Variants in ACTR3 observed in about 807,000 individuals in gnomAD.
ACTR3 encodes the protein actin-related protein 3.
Under a neutral mutation model 56.8 loss-of-function variants are expected in ACTR3, and 12 were observed. The observed-to-expected ratio is 0.21, with a 90% confidence interval of 0.14 to 0.34. The LOEUF is 0.34. ACTR3 is among the 10% of genes least tolerant of loss of function. The pLI, the probability that ACTR3 is intolerant of heterozygous loss-of-function variation, is 1.00. For missense variants in ACTR3, 282 were observed against 512.5 expected, an observed-to-expected ratio of 0.55 and a Z score of 4.34; for synonymous variants, 162 against 167.4, an observed-to-expected ratio of 0.97 and a Z score of 0.25.
intron 3 of ACTR3, among the ~76,000 whole-genome samples, chr2:113,918,984 C>T (rs887868659): frequency 6.6e-6 from 1 of 152,184 alleles, no homozygotes; most frequent in African/African-American, 2.4e-5. Flanking sequence ...GAAAACTTCA[C>T]ATGTCAAAGA....
In ACTR3 at chr2:113,951,803, C is replaced by T. The variant is rs766848731; in HGVS notation, c.1035C>T (p.Ala345=). The T allele has an allele frequency of 6.2e-7, 1 of 1,613,378 alleles. No homozygotes were observed. Among genetic ancestry groups the T allele is most frequent in the South Asian group, 1.1e-5 (1 of 91,030 alleles). ...GAGATTTGAAAAGAACTGTAGATGCCCGGCTGAAATTAAGTGAGGAATTGA... is the reference window on the plus strand; with the variant it reads ...GAGATTTGAAAAGAACTGTAGATGCTCGGCTGAAATTAAGTGAGGAATTGA... ...LQRDLKRTVD[A]RLKLSEELSG... The change falls in exon 10 of 12, where the codon GCC becomes GCT. Residue 345 remains alanine (A), a synonymous_variant. Coordinates refer to ENST00000263238, the MANE Select transcript of ACTR3 (RefSeq NM_005721.5).
In ACTR3 at chr2:113,914,334, C is replaced by T. The variant is rs566494023; in HGVS notation, c.100+1107C>T. 1.8e-4 allele frequency among the ~76,000 whole-genome samples: 28 copies of T among 152,204 alleles called. No individual in the cohort carries two copies. In the East Asian group the frequency reaches 4.1e-3, roughly 22 times the overall value. On this transcript the variant is annotated intron_variant, in intron 2 of 11. Transcript: ENST00000263238. ...CATTAAAGAAATAACACTGTCTGGCCGGGATCGGTGGCTCACGCCTGTAAT... is the reference window on the plus strand; with the variant it reads ...CATTAAAGAAATAACACTGTCTGGCTGGGATCGGTGGCTCACGCCTGTAAT...
chr2:113,909,274 G>A (rs1679259001), intron 1 of ACTR3, among the ~76,000 whole-genome samples: 1 of 152,072 alleles, frequency 6.6e-6, no homozygotes, highest in Admixed American at 6.5e-5. Flanking sequence ...CATATTGACT[G>A]TTTTGTATTA....
At chr2:113,925,387 G>A (rs1446722088) in intron 3 of ACTR3, among the ~76,000 whole-genome samples, 2 of 151,378 alleles carry the variant, frequency 1.3e-5, no homozygotes, top group Non-Finnish European at 2.9e-5. Context: ...GTGGAGACGG[G>A]GTTTCACCAT....
chr2:113,954,117 A>C (rs1680168199), intron 10 of ACTR3: 1 of 152,154 alleles, frequency 6.6e-6, no homozygotes, highest in Non-Finnish European at 1.5e-5. Context: ...CACAGAATTG[A>C]TATTGTATCA....
Position 113,928,368 on chromosome 2 carries a change from G to A in ACTR3, c.336+913G>A, listed in dbSNP as rs536038180. On this transcript the variant is annotated intron_variant, in intron 4 of 11. Coordinates refer to ENST00000263238, the MANE Select transcript of ACTR3 (RefSeq NM_005721.5). Reference sequence around the variant, plus strand: ...TAGTTTTTAAATCACTTCAAAGTGAGTTGCAAATGGGAGTCATTTGACCCC... The same window carrying A: ...TAGTTTTTAAATCACTTCAAAGTGAATTGCAAATGGGAGTCATTTGACCCC... Among the ~76,000 whole-genome samples the A allele has an allele frequency of 2.0e-5, 3 of 152,270 alleles. No homozygotes were observed. In the East Asian group the frequency reaches 5.8e-4, roughly 29 times the overall value.
Position 113,951,953 on chromosome 2 carries a change from C to A in ACTR3, c.1077+108C>A. 2.9e-6 allele frequency: 4 copies of A among 1,385,158 alleles called. No individual in the cohort carries two copies. In the South Asian group the frequency reaches 5.3e-5, roughly 18 times the overall value. The allele number at this position is 1,385,158 out of a possible 1,614,324, so 85.8% of individuals were successfully genotyped here. On this transcript the variant is annotated intron_variant, in intron 10 of 11. Coordinates refer to ENST00000263238, the MANE Select transcript of ACTR3 (RefSeq NM_005721.5). ...ATTTAGAAAAATAAGAGGAACCTGT[C>A]AGGTATTCTAATGGAAATGGTTAAT...
At position 113,926,894 on chromosome 2, in the gene ACTR3, C is replaced by G. The variant is rs185593493; in HGVS notation, c.226-451C>G. On this transcript the variant is annotated intron_variant, in intron 3 of 11. Coordinates refer to ENST00000263238, the MANE Select transcript of ACTR3 (RefSeq NM_005721.5). ...TAACATTTTATGTGCTTGATTCTTACAATTATTCTAGGTATGTACTTACAG... is the reference window on the plus strand; with the variant it reads ...TAACATTTTATGTGCTTGATTCTTAGAATTATTCTAGGTATGTACTTACAG... 7.2e-3 allele frequency among the ~76,000 whole-genome samples: 1,063 copies of G among 148,016 alleles called. 16 individuals carry two copies. The highest frequency in any genetic ancestry group is 0.025 in the African/African-American group (1,027 of 41,328).
intron 2 of ACTR3, among the ~76,000 whole-genome samples, chr2:113,914,614 C>CAAAAAAAAAAAAAAA (rs55784117): frequency 4.3e-5 from 3 of 69,192 alleles, no homozygotes; most frequent in Non-Finnish European, 1.0e-4. Context: ...GACTCAGTCT[C>CAAAAAAAAAAAAAAA]AAAAAAAAAA....
chr2:113,899,150 G>A (rs1679056961), intron 1 of ACTR3, among the ~76,000 whole-genome samples: 1 of 152,146 alleles, frequency 6.6e-6, no homozygotes, highest in Non-Finnish European at 1.5e-5. Context: ...GTGAAATATG[G>A]ATTTGCTTAC....
In ACTR3 at chr2:113,912,739, A is replaced by G. The variant is rs78095003; in HGVS notation, c.45-433A>G. Among the ~76,000 whole-genome samples, 962 of 152,294 alleles carry G rather than the reference A, an allele frequency of 6.3e-3. 8 individuals are homozygous for G. The highest frequency in any genetic ancestry group is 0.017 in the Middle Eastern group (5 of 294). On this transcript the variant is annotated intron_variant, in intron 1 of 11. Coordinates refer to ENST00000263238, the MANE Select transcript of ACTR3 (RefSeq NM_005721.5). Reference sequence around the variant, plus strand: ...ATACATTGTTCTGTATCTTTGTTCAATAAGTAATATATTTTGGGAATTGTT... The same window carrying G: ...ATACATTGTTCTGTATCTTTGTTCAGTAAGTAATATATTTTGGGAATTGTT...
intron 1 of ACTR3, among the ~76,000 whole-genome samples, chr2:113,897,124 A>G (rs1450153458): frequency 6.6e-6 from 1 of 152,256 alleles, no homozygotes; most frequent in Non-Finnish European, 1.5e-5. Flanking sequence ...CAAAGCAATT[A>G]AGTAATAATA....
At chr2:113,939,766 G>A (rs1470456054) in intron 6 of ACTR3, among the ~76,000 whole-genome samples, 193 bp from the exon 7 acceptor site, 2 of 152,098 alleles carry the variant, frequency 1.3e-5, no homozygotes, top group Admixed American at 1.3e-4. Flanking sequence ...CTGTCAGTGG[G>A]AAAATAAATC....
intron 4 of ACTR3, among the ~76,000 whole-genome samples, chr2:113,930,258 A>C (rs367754201): frequency 3.7e-4 from 56 of 152,250 alleles, no homozygotes; most frequent in African/African-American, 1.2e-3. Flanking sequence ...ACATAGCTCC[A>C]GAACTCTTCT....
At chr2:113,903,119 A>G (rs1287468506) in intron 1 of ACTR3, among the ~76,000 whole-genome samples, 1 of 152,250 alleles carries the variant, frequency 6.6e-6, no homozygotes, top group Admixed American at 6.5e-5. Flanking sequence ...GGAAACTTGT[A>G]TACATTGATC....
In ACTR3 at chr2:113,960,824, G is replaced by T. The variant is rs1171140841; in HGVS notation, c.*3369G>T. Reference sequence around the variant, plus strand: ...TAATTGGTACTAATTCTATTAGCTGGTATAAATAATCCAAAATCTGTGCAG... The same window carrying T: ...TAATTGGTACTAATTCTATTAGCTGTTATAAATAATCCAAAATCTGTGCAG... On this transcript the variant is annotated 3_prime_UTR_variant, in exon 12 of 12. Transcript: ENST00000263238. The T allele has an allele frequency of 6.6e-6, 1 of 151,964 alleles. No homozygotes were observed. The highest frequency in any genetic ancestry group is 1.5e-5 in the Non-Finnish European group (1 of 67,914). 9.4% of individuals were successfully genotyped at this position (151,964 alleles called of 1,614,324 possible). A position where few individuals can be genotyped will look rare whatever the true frequency, so the allele number is the denominator to read the frequency against.
At chr2:113,926,739 G>A (rs916914851) in intron 3 of ACTR3, among the ~76,000 whole-genome samples, 13 of 152,128 alleles carry the variant, frequency 8.5e-5, no homozygotes, top group African/African-American at 2.4e-4. Flanking sequence ...ACCACCTCTC[G>A]ATACTATAAC....
intron 8 of ACTR3, among the ~76,000 whole-genome samples, chr2:113,948,293 G>A (rs1297763600): frequency 6.6e-6 from 1 of 152,142 alleles, no homozygotes; most frequent in Non-Finnish European, 1.5e-5. Context: ...GGGACTACAG[G>A]TATGTGCCAC....
intron 6 of ACTR3, among the ~76,000 whole-genome samples, chr2:113,939,117 G>A (rs888442924): frequency 2.0e-5 from 3 of 151,074 alleles, no homozygotes; most frequent in African/African-American, 2.4e-5. Context: ...TCCGCCTCCC[G>A]GGTTCACGCC....
Sources: gnomAD v4.1 joint callset for allele counts (sites outside exome capture counted in the v4.1 genomes callset) on GRCh38, gnomAD v4.1.1 for gene constraint, MANE v1.5 for transcripts, NCBI Gene and HGNC (gene_info 2026-07-23, HGNC 2026-07-21) for gene names.